UBR3: variants seen among roughly 807,000 people sequenced by gnomAD.
The protein encoded by UBR3 is E3 ubiquitin-protein ligase UBR3.
Under a neutral mutation model 243.2 loss-of-function variants are expected in UBR3, and 85 were observed. That is an observed-to-expected ratio of 0.35 (90% confidence interval 0.29 to 0.42). The LOEUF (loss-of-function observed/expected upper bound fraction) is 0.42, where lower values mean the gene tolerates loss of function less well. Ranked by LOEUF, UBR3 falls within the 10% of genes least tolerant of loss-of-function variation. UBR3 has a pLI of 1.00. For missense variants in UBR3, 1,686 were observed against 2,300.8 expected (o/e 0.73, Z 5.47); for synonymous variants, 748 against 799.8 (o/e 0.94, Z 1.09).
intron 30 of UBR3, among the ~76,000 whole-genome samples, chr2:170,024,374 A>AG (rs1491084973): frequency 1.4e-5 from 2 of 147,620 alleles, no homozygotes; most frequent in South Asian, 2.2e-4. Flanking sequence ...AAAAAAAAAA[A>AG]AGAGAAAAGA....
At chr2:169,953,069 AATT>A (rs2087111432) in intron 23 of UBR3, among the ~76,000 whole-genome samples, 1 of 152,216 alleles carries the variant, frequency 6.6e-6, no homozygotes. Flanking sequence ...GGAATTTTGT[AATT>A]ATTACTAATA....
chr2:169,972,089 C>T (rs2088181880), intron 24 of UBR3, among the ~76,000 whole-genome samples: 2 of 151,928 alleles, frequency 1.3e-5, no homozygotes, highest in South Asian at 4.2e-4. Flanking sequence ...GGGATATCAC[C>T]ACCGATCCCA....
At chr2:169,861,691 T>C (rs1326590328) in intron 1 of UBR3, among the ~76,000 whole-genome samples, 1 of 152,108 alleles carries the variant, frequency 6.6e-6, no homozygotes, top group Non-Finnish European at 1.5e-5. Context: ...TTTTTATGTT[T>C]ATTAATTTTA....
chr2:169,881,202 T>A (rs1040108711), intron 5 of UBR3, among the ~76,000 whole-genome samples: 1 of 152,052 alleles, frequency 6.6e-6, no homozygotes, highest in African/African-American at 2.4e-5. Flanking sequence ...TTTTTTGAGA[T>A]AGAGTCTTGC....
At chr2:169,911,554 G>A (rs956969016) in intron 10 of UBR3, among the ~76,000 whole-genome samples, 1 of 151,982 alleles carries the variant, frequency 6.6e-6, no homozygotes, top group Non-Finnish European at 1.5e-5. Context: ...GTTGAGGGGT[G>A]GTAGTAGTGG....
At chr2:170,031,457 G>A (rs900635229) in intron 31 of UBR3, among the ~76,000 whole-genome samples, 8 of 151,934 alleles carry the variant, frequency 5.3e-5, no homozygotes, top group African/African-American at 1.7e-4. Context: ...TAGTTAAAAA[G>A]CATTCATCCA....
At position 170,081,960 on chromosome 2, in the gene UBR3, T is replaced by TA; in HGVS notation, c.*118dup. 1.4e-6 allele frequency: 1 copy of TA among 731,008 alleles called. No homozygotes were observed. Among genetic ancestry groups the TA allele is most frequent in the Non-Finnish European group, 2.1e-6 (1 of 478,934 alleles). 45.3% of individuals were successfully genotyped at this position (731,008 alleles called of 1,614,324 possible). ...TTTGCTGAGGGAGAAAAAGAAAACA[T>TA]ACATTATGAAGCCTTTCCAAAATTA... On this transcript the variant is annotated 3_prime_UTR_variant, in exon 39 of 39. Coordinates refer to ENST00000272793, the MANE Select transcript of UBR3 (RefSeq NM_172070.4).
At chr2:170,074,016 C>T (rs2091754610) in intron 36 of UBR3, among the ~76,000 whole-genome samples, 1 of 152,096 alleles carries the variant, frequency 6.6e-6, no homozygotes, top group South Asian at 2.1e-4. Context: ...CCTATGCTAC[C>T]AGCTCAGCTA....
intron 1 of UBR3, among the ~76,000 whole-genome samples, chr2:169,864,906 C>CAAAAA (rs11336906): frequency 3.6e-4 from 23 of 64,658 alleles, no homozygotes; most frequent in South Asian, 5.8e-4. Flanking sequence ...GACTCCGTCT[C>CAAAAA]AAAAAAAAAA....
intron 24 of UBR3, among the ~76,000 whole-genome samples, chr2:169,984,160 A>G (rs750495568): frequency 9.2e-5 from 14 of 152,160 alleles, no homozygotes; most frequent in Non-Finnish European, 1.9e-4. Context: ...ATGTGCAGAT[A>G]TTGATGTGTG....
intron 30 of UBR3, among the ~76,000 whole-genome samples, chr2:170,028,490 C>T (rs996841605): frequency 1.3e-5 from 2 of 151,706 alleles, no homozygotes; most frequent in Non-Finnish European, 2.9e-5. Flanking sequence ...TAAGAAGTAT[C>T]ATATCTGATT....
chr2:169,906,381 C>T (rs773647176), intron 10 of UBR3, among the ~76,000 whole-genome samples: 3 of 152,056 alleles, frequency 2.0e-5, no homozygotes, highest in South Asian at 4.1e-4. Context: ...GAACAGTCTT[C>T]GGAACTTCAT....
At chr2:169,896,405 A>T in intron 7 of UBR3, 102 bp from the exon 8 acceptor site, 1 of 682,500 alleles carries the variant, frequency 1.5e-6, no homozygotes, top group Non-Finnish European at 2.2e-6. Flanking sequence ...CATTATTATA[A>T]ATTAGTAATA....
rs1203852467 is a variant in UBR3, at chr2:169,836,037, CTCTCTCTATA to C, written c.545+7987_545+7996del. Among the ~76,000 whole-genome samples the C allele has an allele frequency of 2.3e-3, 29 of 12,540 alleles. 1 individual carries two copies. The highest frequency in any genetic ancestry group is 4.9e-3 in the African/African-American group (15 of 3,076). The allele number at this position is 12,540 out of a possible 152,430, so 8.2% of individuals were successfully genotyped here. A position where few individuals can be genotyped will look rare whatever the true frequency, so the allele number is the denominator to read the frequency against. ...TCTCTCTCTCTCTCTCTCTCTCTCT[CTCTCTCTATA>C]TATATATATATATATATATATTTTT... On this transcript the variant is annotated intron_variant, in intron 1 of 38. Transcript: ENST00000272793.
intron 26 of UBR3, among the ~76,000 whole-genome samples, chr2:169,999,348 A>C (rs145766616): frequency 6.6e-6 from 1 of 152,216 alleles, no homozygotes; most frequent in Non-Finnish European, 1.5e-5. Context: ...TGATTTATGC[A>C]GCTTCACATC....
chr2:170,009,643 C>G (rs12477486), intron 29 of UBR3, among the ~76,000 whole-genome samples: 108,244 of 151,962 alleles, frequency 0.71, 39,432 homozygotes, highest in East Asian at 0.88. Context: ...CTTGTAAATG[C>G]ATTCTGCCAA....
rs760500225 is a variant in UBR3 at position 169,947,671 on chromosome 2, G to C, written c.3040G>C (p.Asp1014His). ...AGAGACTGCTCCTGAAGTAAAGAGA[G>C]ACTCACCTGCAAGTACTAGCTCTGA... ...VPETAPEVKR[D>H]SPASTSSDNL... The change falls in exon 22 of 39, where the codon GAC (aspartate) becomes CAC (histidine). Residue 1014 changes from aspartate (D) to histidine (H), a missense_variant. Physicochemically the swap from Asp to His is moderately conservative, Grantham distance 81. Transcript: ENST00000272793. The C allele has an allele frequency of 6.5e-7, 1 of 1,536,042 alleles. No individual in the cohort carries two copies. Among genetic ancestry groups the C allele is most frequent in the South Asian group, 1.2e-5 (1 of 80,754 alleles).
chr2:169,919,950 C>A (rs185094957), intron 11 of UBR3, among the ~76,000 whole-genome samples: 61 of 152,238 alleles, frequency 4.0e-4, no homozygotes, highest in South Asian at 8.3e-4. Context: ...CCCAGCCATC[C>A]CATGACTGGG....
intron 37 of UBR3, chr2:170,080,289 C>A: frequency 1.8e-6 from 1 of 561,574 alleles, no homozygotes. Context: ...TGCTGTGAAA[C>A]AGAAGTCATC....
Sources: allele counts gnomAD v4.1 joint callset (sites outside exome capture counted in the v4.1 genomes callset), GRCh38; gene constraint gnomAD v4.1.1; transcripts MANE v1.5; gene names NCBI Gene and HGNC (gene_info 2026-07-23, HGNC 2026-07-21).